SERPINI1: variants seen among roughly 807,000 people sequenced by gnomAD.
SERPINI1 encodes neuroserpin.
A neutral mutation model predicts 41.1 loss-of-function variants in SERPINI1; 19 were observed. The observed-to-expected ratio is 0.46, with a 90% CI of 0.32 to 0.68. The LOEUF is 0.68. SERPINI1 is among the 30% of genes least tolerant of loss of function. The pLI is 0.03. For synonymous variants in SERPINI1, 138 were observed against 156.6 expected, an observed-to-expected ratio of 0.88 and a Z score of 0.89; for missense variants, 460 against 479.2, an observed-to-expected ratio of 0.96 and a Z score of 0.37.
At chr3:167,740,203 T>G (rs1725633050) in intron 1 of SERPINI1, among the ~76,000 whole-genome samples, 1 of 152,068 alleles carries the variant, frequency 6.6e-6, no homozygotes, top group South Asian at 2.1e-4. Flanking sequence ...CAGCTAATTT[T>G]AACTTTTTAT....
chr3:167,822,718 G>A (rs1183152819), intron 6 of SERPINI1, among the ~76,000 whole-genome samples: 1 of 151,992 alleles, frequency 6.6e-6, no homozygotes, highest in Non-Finnish European at 1.5e-5. Flanking sequence ...AGTAAAAAAA[G>A]TTTCCACTTT....
chr3:167,824,327 A>G (rs1456839804), intron 7 of SERPINI1, 146 bp from the exon 8 acceptor site: 1 of 594,292 alleles, frequency 1.7e-6, no homozygotes, highest in Non-Finnish European at 3.0e-6. Flanking sequence ...CACCTTTATA[A>G]TTTTTCTCCA....
intron 1 of SERPINI1, among the ~76,000 whole-genome samples, chr3:167,761,689 A>AGGG (rs1726387564): frequency 6.6e-6 from 1 of 152,190 alleles, no homozygotes; most frequent in Admixed American, 6.5e-5. Flanking sequence ...CCATATGGTA[A>AGGG]AACGTAGTTA....
chr3:167,774,966 A>G (rs893462466), intron 1 of SERPINI1, among the ~76,000 whole-genome samples: 1 of 152,110 alleles, frequency 6.6e-6, no homozygotes, highest in African/African-American at 2.4e-5. Context: ...ACAAGCTACA[A>G]ATATAATACA....
intron 1 of SERPINI1, among the ~76,000 whole-genome samples, chr3:167,764,336 G>A (rs1187095311): frequency 6.6e-6 from 1 of 152,150 alleles, no homozygotes; most frequent in Non-Finnish European, 1.5e-5. Context: ...TGGCTGGGGA[G>A]GCCTCACAAT....
At chr3:167,798,351 A>G (rs1727779744) in intron 5 of SERPINI1, among the ~76,000 whole-genome samples, 1 of 152,192 alleles carries the variant, frequency 6.6e-6, no homozygotes, top group African/African-American at 2.4e-5. Context: ...TGGCTAATGC[A>G]TAGATAGGGA....
At chr3:167,800,134 G>A (rs1434721468) in intron 5 of SERPINI1, 1 of 152,042 alleles carries the variant, frequency 6.6e-6, no homozygotes, top group African/African-American at 2.4e-5. Flanking sequence ...TAAGATTGCT[G>A]TACCTATTAC....
At position 167,824,513 on chromosome 3, in the gene SERPINI1, A is replaced by C; in HGVS notation, c.1107A>C (p.Gln369His). 1.9e-6 allele frequency: 3 copies of C among 1,613,736 alleles called. No individual in the cohort carries two copies. The highest frequency in any genetic ancestry group is 2.5e-6 in the Non-Finnish European group (3 of 1,179,788). Residue 369 changes from glutamine to histidine, a missense_variant, in exon 8 of 9, where the codon CAA (glutamine) becomes CAC (histidine). Coordinates refer to ENST00000446050, the MANE Select transcript of SERPINI1 (RefSeq NM_001122752.2). ...GTAGGATGGCTGTGCTGTATCCTCA[A>C]GTTATTGTCGACCATCCATTTTTCT... ...AISRMAVLYPQVIVDHPFFFL... is the reference protein window; with the variant it reads ...AISRMAVLYPHVIVDHPFFFL...
At chr3:167,805,012 AT>A (rs1258424719) in intron 5 of SERPINI1, among the ~76,000 whole-genome samples, 1 of 146,632 alleles carries the variant, frequency 6.8e-6, no homozygotes, top group Non-Finnish European at 1.5e-5. Context: ...CACTATATTT[AT>A]TTTCATTTTG....
At chr3:167,812,293 G>A (rs952295541) in intron 6 of SERPINI1, among the ~76,000 whole-genome samples, 1 of 152,122 alleles carries the variant, frequency 6.6e-6, no homozygotes, top group Admixed American at 6.5e-5. Flanking sequence ...TGCCCCATCC[G>A]CTGCTCAGCA....
intron 7 of SERPINI1, 37 bp from the exon 8 acceptor site, chr3:167,824,436 T>C (rs757504307): frequency 3.3e-6 from 5 of 1,497,504 alleles, no homozygotes; most frequent in Non-Finnish European, 4.7e-6. Context: ...TCTCTGCACA[T>C]CCACAGACAT....
chr3:167,804,675 A>G (rs1389376467), intron 5 of SERPINI1, among the ~76,000 whole-genome samples: 1 of 152,152 alleles, frequency 6.6e-6, no homozygotes, highest in Non-Finnish European at 1.5e-5. Context: ...CTACACAAAC[A>G]AATTAAAAAC....
At chr3:167,745,231 A>C (rs1014380166) in intron 1 of SERPINI1, among the ~76,000 whole-genome samples, 3 of 151,968 alleles carry the variant, frequency 2.0e-5, no homozygotes, top group African/African-American at 7.2e-5. Flanking sequence ...ACCATGATCC[A>C]GTAAGTTTTA....
intron 6 of SERPINI1, among the ~76,000 whole-genome samples, chr3:167,809,390 A>G (rs539329988): frequency 6.6e-6 from 1 of 152,190 alleles, no homozygotes; most frequent in Non-Finnish European, 1.5e-5. Context: ...CCAAACATCT[A>G]GGAAGTTATT....
chr3:167,790,571 C>T lies in SERPINI1; in HGVS notation c.450C>T (p.Tyr150=). Residue 150 remains tyrosine (Y), a synonymous_variant, in exon 3 of 9, where the codon TAC becomes TAT. Coordinates refer to ENST00000446050, the MANE Select transcript of SERPINI1 (RefSeq NM_001122752.2). The stretch of plus-strand genomic sequence containing the variant: ...GTCAAAATGTAGCCGTGGCCAACTA[C>T]ATCAATAAGTGGGTGGAGAATAACA... The part of the protein sequence containing the change: ...DFSQNVAVAN[Y]INKWVENNTN... 2 of 1,613,602 alleles carry T rather than the reference C, an allele frequency of 1.2e-6. No individual in the cohort carries two copies. The highest frequency in any genetic ancestry group is 1.1e-5 in the South Asian group (1 of 91,066).
intron 1 of SERPINI1, among the ~76,000 whole-genome samples, chr3:167,756,619 C>CTTTTGTAA (rs1338506000): frequency 1.3e-5 from 2 of 152,092 alleles, no homozygotes; most frequent in African/African-American, 4.8e-5. Flanking sequence ...CCTAAAATTG[C>CTTTTGTAA]TTTTGTAATT....
At position 167,825,468 on chromosome 3, in the gene SERPINI1, G is replaced by T; in HGVS notation, c.*145G>T. 1 of 645,552 alleles carries T rather than the reference G, an allele frequency of 1.5e-6. No individual in the cohort carries two copies. The highest frequency in any genetic ancestry group is 1.9e-5 in the South Asian group (1 of 53,722). The allele number at this position is 645,552 out of a possible 1,614,324, so 40.0% of individuals were successfully genotyped here. On this transcript the variant is annotated 3_prime_UTR_variant, in exon 9 of 9. Coordinates refer to ENST00000446050, the MANE Select transcript of SERPINI1 (RefSeq NM_001122752.2). The stretch of plus-strand genomic sequence containing the variant: ...TAAAAACAATATATGTAAATTATAA[G>T]TAACTTGTCAAGGAATGTTATCAGT...
Position 167,790,227 on chromosome 3 carries a change from A to G in SERPINI1, c.251-145A>G. The G allele has an allele frequency of 6.0e-6, 4 of 661,572 alleles. No homozygotes were observed. In the South Asian group the frequency reaches 7.0e-5, roughly 12 times the overall value. 41.0% of individuals were successfully genotyped at this position (661,572 alleles called of 1,614,324 possible). A position where few individuals can be genotyped will look rare whatever the true frequency, so the allele number is the denominator to read the frequency against. The stretch of plus-strand genomic sequence containing the variant: ...CTAGAAATAGTACAAGTATTGGACC[A>G]TATCAATGTGGGGGAAAGCCTGGCA... On this transcript the variant is annotated intron_variant, in intron 2 of 8. Transcript: ENST00000446050.
At chr3:167,738,007 G>C (rs1725537802) in intron 1 of SERPINI1, among the ~76,000 whole-genome samples, 5 of 151,992 alleles carry the variant, frequency 3.3e-5, no homozygotes, top group Admixed American at 2.6e-4. Context: ...GGAAATATAT[G>C]GCATTTATTT....
Sources: allele counts gnomAD v4.1 joint callset (sites outside exome capture counted in the v4.1 genomes callset), GRCh38; gene constraint gnomAD v4.1.1; transcripts MANE v1.5; gene names NCBI Gene and HGNC (gene_info 2026-07-23, HGNC 2026-07-21).